Variants in ZFP64 observed in about 807,000 individuals in gnomAD.
ZFP64 encodes zinc finger protein 64.
In ZFP64, 14 loss-of-function variants were observed where a neutral mutation model predicts 51.6. The observed-to-expected ratio is 0.27, with a 90% CI of 0.18 to 0.42. The LOEUF (loss-of-function observed/expected upper bound fraction) is 0.42, where lower values mean the gene tolerates loss of function less well. Ranked by LOEUF, ZFP64 falls within the 10% of genes least tolerant of loss-of-function variation. The pLI is 1.00. For missense variants in ZFP64, 754 were observed against 906.8 expected, an observed-to-expected ratio of 0.83 and a Z score of 2.16; for synonymous variants, 375 against 361.4, an observed-to-expected ratio of 1.04 and a Z score of -0.43.
At chr20:52,175,605 G>C (rs1983125922) in intron 2 of ZFP64, among the ~76,000 whole-genome samples, 1 of 152,210 alleles carries the variant, frequency 6.6e-6, no homozygotes, top group Non-Finnish European at 1.5e-5. Context: ...AGCACTGTGG[G>C]AGCCCGAGGC....
chr20:52,152,948 TG>T lies in ZFP64; in HGVS notation c.1243del (p.Gln415ArgfsTer44). Reference sequence around the variant, plus strand: ...CTTCTTGGCATCCAGCTTGGCCACCTGCCGGCTGCTCTGCCTGCCGGTGTCC... The same window carrying T: ...CTTCTTGGCATCCAGCTTGGCCACCTCCGGCTGCTCTGCCTGCCGGTGTCC... ...RKDTGRQSSR[Q>X]VAKLDAKKSF... is the part of the protein sequence containing the mutation. On this transcript the variant is annotated frameshift_variant, in exon 6 of 6. Coordinates refer to ENST00000216923, the MANE Select transcript of ZFP64 (RefSeq NM_018197.3). LOFTEE classifies it high-confidence loss of function. 1 of 1,613,750 alleles carries T rather than the reference TG, an allele frequency of 6.2e-7. No homozygotes were observed.
chr20:52,165,657 A>C, intron 3 of ZFP64: 1 of 749,732 alleles, frequency 1.3e-6, no homozygotes, highest in East Asian at 2.7e-5. Context: ...CTATGGCTAG[A>C]AAAGTCTTAG....
At chr20:52,110,435 T>A in intron 5 of ZFP64, 1 of 611,890 alleles carries the variant, frequency 1.6e-6, no homozygotes, top group Non-Finnish European at 3.0e-6. Context: ...GTCACTCAAC[T>A]TGTTCTCAAT....
chr20:52,171,694 T>A (rs1014160407), intron 2 of ZFP64, among the ~76,000 whole-genome samples: 2 of 151,550 alleles, frequency 1.3e-5, no homozygotes, highest in Admixed American at 1.3e-4. Flanking sequence ...TTCACCATGT[T>A]GGCCAGGCTG....
In ZFP64 at chr20:52,186,897, G is replaced by A. The variant is rs1730797667; in HGVS notation, c.221C>T (p.Thr74Ile). Reference protein sequence around the residue: ...PSTVQFVSEETVPATQTQTTT... With the variant: ...PSTVQFVSEEIVPATQTQTTT... ...GGTCTGAGTCTGGGTGGCAGGCACTGTTTCCTCCGATACAAACTGGACCGT... is the reference window on the plus strand; with the variant it reads ...GGTCTGAGTCTGGGTGGCAGGCACTATTTCCTCCGATACAAACTGGACCGT... The change falls in exon 2 of 6, where the codon ACA becomes ATA. Residue 74 changes from threonine to isoleucine, a missense_variant. Physicochemically the swap from Thr to Ile is moderately conservative, Grantham distance 89. This residue lies in a region of ZFP64 where 95 missense variants were observed against 97.7 expected (regional missense o/e 0.97). Transcript: ENST00000216923. 1.9e-6 allele frequency: 3 copies of A among 1,613,878 alleles called. No homozygotes were observed. The highest frequency in any genetic ancestry group is 2.5e-6 in the Non-Finnish European group (3 of 1,179,880).
intron 5 of ZFP64, among the ~76,000 whole-genome samples, chr20:52,109,774 C>T (rs1386269860): frequency 6.5e-5 from 9 of 138,258 alleles, no homozygotes; most frequent in Non-Finnish European, 9.2e-5. Context: ...CAGCGAAATT[C>T]CACCTCAAAA....
At chr20:52,133,823 G>T (rs1376022796) in intron 5 of ZFP64, among the ~76,000 whole-genome samples, 2 of 151,938 alleles carry the variant, frequency 1.3e-5, no homozygotes, top group Non-Finnish European at 2.9e-5. Flanking sequence ...GAGTCTAGGA[G>T]TTTGAGACCA....
intron 5 of ZFP64, among the ~76,000 whole-genome samples, chr20:52,117,915 CT>C (rs1336396510): frequency 6.6e-6 from 1 of 152,044 alleles, no homozygotes; most frequent in East Asian, 1.9e-4. Context: ...CCTGCCTCAG[CT>C]TCCTGCGTAG....
At chr20:52,115,938 G>A (rs1978844051) in intron 5 of ZFP64, among the ~76,000 whole-genome samples, 1 of 152,224 alleles carries the variant, frequency 6.6e-6, no homozygotes, top group South Asian at 2.1e-4. Flanking sequence ...GGATTTAAGC[G>A]ATTCTCCTGC....
In ZFP64 at chr20:52,165,994, G is replaced by A. The variant is rs764176727; in HGVS notation, c.318C>T (p.Gly106=). ...VSAPEFVFEH[G]YQTYLPTESN... is the part of the protein sequence containing the mutation. ...TTTCCGTGGGCAGGTAAGTTTGATA[G>A]CCATGTTCAAAAACAAATTCTGGAG... The change falls in exon 3 of 6, where the codon GGC becomes GGT. Residue 106 remains glycine (G), a synonymous_variant. Coordinates refer to ENST00000216923, the MANE Select transcript of ZFP64 (RefSeq NM_018197.3). 5 of 1,608,388 alleles carry A rather than the reference G, an allele frequency of 3.1e-6. No individual in the cohort carries two copies. The highest frequency in any genetic ancestry group is 3.4e-6 in the Non-Finnish European group (4 of 1,178,762).
rs182808746 is a variant in ZFP64 at position 52,169,989 on chromosome 20, G to A, written c.287-3964C>T. 2.6e-5 allele frequency among the ~76,000 whole-genome samples: 4 copies of A among 151,908 alleles called. No homozygotes were observed. The East Asian group carries it at 5.8e-4, about 22-fold the overall frequency. On this transcript the variant is annotated intron_variant, in intron 2 of 5. Coordinates refer to ENST00000216923, the MANE Select transcript of ZFP64 (RefSeq NM_018197.3). ...AATCGCTTGAACCTGGGAGGCAGAG[G>A]TTACGGTGAGTCCAGATCATGCCAT...
At chr20:52,187,110 A>G (rs751585433) in intron 1 of ZFP64, 39 bp from the exon 2 acceptor site, 2 of 1,577,718 alleles carry the variant, frequency 1.3e-6, no homozygotes, top group South Asian at 1.1e-5. Context: ...TTAATTCCAA[A>G]CAGCTTTGAA....
intron 7 of ZFP64, chr20:52,097,165 G>A: frequency 1.3e-6 from 1 of 791,458 alleles, no homozygotes; most frequent in Admixed American, 1.7e-5. Context: ...GATGACTATA[G>A]CCACAGGCTC....
chr20:52,106,501 T>A (rs1234085494), intron 5 of ZFP64, among the ~76,000 whole-genome samples: 1 of 152,032 alleles, frequency 6.6e-6, no homozygotes, highest in Non-Finnish European at 1.5e-5. Flanking sequence ...TACGGGGTGG[T>A]CCTGTGGGGT....
intron 2 of ZFP64, among the ~76,000 whole-genome samples, chr20:52,185,757 T>A (rs764516519): frequency 4.6e-5 from 7 of 151,956 alleles, no homozygotes; most frequent in Non-Finnish European, 1.0e-4. Context: ...ATTTTTGTAT[T>A]TTTAGTAGAG....
At chr20:52,178,932 G>A (rs1306829600) in intron 2 of ZFP64, among the ~76,000 whole-genome samples, 1 of 152,108 alleles carries the variant, frequency 6.6e-6, no homozygotes, top group African/African-American at 2.4e-5. Flanking sequence ...TTCTCCAAGG[G>A]CAAGCATCTC....
chr20:52,140,552 C>T (rs1021844644), intron 5 of ZFP64, among the ~76,000 whole-genome samples: 2 of 152,164 alleles, frequency 1.3e-5, no homozygotes, highest in Non-Finnish European at 2.9e-5. Context: ...GACCTAACTC[C>T]TTCAATTCTA....
intron 5 of ZFP64, among the ~76,000 whole-genome samples, chr20:52,129,443 G>A (rs1023513313): frequency 2.0e-5 from 3 of 151,890 alleles, no homozygotes; most frequent in Admixed American, 2.0e-4. Context: ...ACAGGTGTGA[G>A]CCACCGTACC....
intron 7 of ZFP64, among the ~76,000 whole-genome samples, chr20:52,096,646 T>A (rs995017279): frequency 6.6e-6 from 1 of 152,168 alleles, no homozygotes; most frequent in Non-Finnish European, 1.5e-5. Context: ...TCCAGCACTT[T>A]AGGGGGCCAA....
Sources: gnomAD v4.1 joint callset for allele counts (sites outside exome capture counted in the v4.1 genomes callset) on GRCh38, gnomAD v4.1.1 for gene constraint, gnomAD v4.1.1 regional missense constraint, MANE v1.5 for transcripts, NCBI Gene and HGNC (gene_info 2026-07-23, HGNC 2026-07-21) for gene names.